The following PDE4D variants were observed in gnomAD, a reference collection of about 807,000 sequenced individuals.
PDE4D encodes phosphodiesterase 4D, also known as 3',5'-cyclic-AMP phosphodiesterase 4D.
Under a neutral mutation model 87.4 loss-of-function variants are expected in PDE4D, and 24 were observed. The observed-to-expected ratio is 0.27, with a 90% CI of 0.20 to 0.39. PDE4D has a LOEUF of 0.39. PDE4D is among the 10% of genes least tolerant of loss of function. PDE4D has a pLI of 1.00. For missense variants in PDE4D, 714 were observed against 1,041.0 expected (o/e 0.69, Z 4.32); for synonymous variants, 384 against 383.2 (o/e 1.00, Z -0.02).
intron 1 of PDE4D, among the ~76,000 whole-genome samples, chr5:60,303,301 G>GCTT (rs767515319): frequency 4.1e-5 from 6 of 147,716 alleles, no homozygotes; most frequent in Non-Finnish European, 8.9e-5. Context: ...GGTTATATCT[G>GCTT]GATTTCTTTT....
chr5:59,062,671 G>A (rs893537934), intron 5 of PDE4D, among the ~76,000 whole-genome samples: 6 of 150,938 alleles, frequency 4.0e-5, no homozygotes, highest in Non-Finnish European at 8.8e-5. Flanking sequence ...CTGCAAATGA[G>A]GTGGAATGTT....
chr5:59,169,779 T>C (rs1782476138), intron 5 of PDE4D, among the ~76,000 whole-genome samples: 1 of 152,186 alleles, frequency 6.6e-6, no homozygotes, highest in South Asian at 2.1e-4. Flanking sequence ...TCCATTATTC[T>C]CCCAAATTTG....
chr5:59,010,835 C>G (rs1485191401), intron 6 of PDE4D, among the ~76,000 whole-genome samples: 1 of 152,174 alleles, frequency 6.6e-6, no homozygotes, highest in Non-Finnish European at 1.5e-5. Flanking sequence ...AATGGACACA[C>G]TGCTTCCTCA....
At chr5:59,203,961 T>A (rs1255148679) in intron 2 of PDE4D, among the ~76,000 whole-genome samples, 3 of 152,162 alleles carry the variant, frequency 2.0e-5, no homozygotes, top group Non-Finnish European at 4.4e-5. Flanking sequence ...TGACTATAAT[T>A]AATAATCATG....
chr5:59,733,734 T>A (rs999587274), intron 1 of PDE4D, among the ~76,000 whole-genome samples: 1 of 150,120 alleles, frequency 6.7e-6, no homozygotes, highest in Non-Finnish European at 1.5e-5. Flanking sequence ...TATTACCATC[T>A]TTTCCTTCCT....
At chr5:60,176,546 G>A (rs1449391410) in intron 2 of PDE4D, among the ~76,000 whole-genome samples, 1 of 152,116 alleles carries the variant, frequency 6.6e-6, no homozygotes, top group East Asian at 1.9e-4. Context: ...GTTTGGTGAG[G>A]ATGATGATTG....
At chr5:59,837,049 A>T (rs1047457401) in intron 1 of PDE4D, among the ~76,000 whole-genome samples, 1 of 151,710 alleles carries the variant, frequency 6.6e-6, no homozygotes, top group Non-Finnish European at 1.5e-5. Context: ...CTTCCCCCTC[A>T]CCTTTCCCCA....
intron 1 of PDE4D, among the ~76,000 whole-genome samples, chr5:59,392,455 C>T (rs1253513312): frequency 3.3e-5 from 5 of 149,324 alleles, no homozygotes; most frequent in East Asian, 2.0e-4. Context: ...GTTGTGATTA[C>T]GTGAGTTAAT....
chr5:59,005,762 T>C (rs1429609194), intron 6 of PDE4D, among the ~76,000 whole-genome samples: 1 of 152,216 alleles, frequency 6.6e-6, no homozygotes, highest in South Asian at 2.1e-4. Context: ...AGATGGACCT[T>C]CTTACATATT....
rs559400393 is a variant in PDE4D at position 59,017,156 on chromosome 5, G to A, written c.921+21703C>T. 6.6e-5 allele frequency among the ~76,000 whole-genome samples: 10 copies of A among 152,294 alleles called. No homozygotes were observed. The East Asian group carries it at 7.7e-4, about 12-fold the overall frequency. On this transcript the variant is annotated intron_variant, in intron 6 of 14. Coordinates refer to ENST00000340635, the MANE Select transcript of PDE4D (RefSeq NM_001104631.2). ...CCGAGGCAAGTCAAGGCAACATCAC[G>A]TGGGTCCTGAGGGTATGAGCCTTCC...
Position 59,166,907 on chromosome 5 carries a change from A to G in PDE4D, c.808+13688T>C, listed in dbSNP as rs1027743319. ...CTTTCAGCAATGGCATCAGGGCTCA[A>G]ATAATTGCACAGTTTCCAGAGATGG... On this transcript the variant is annotated intron_variant, in intron 5 of 14. Transcript: ENST00000340635. 6.6e-5 allele frequency among the ~76,000 whole-genome samples: 10 copies of G among 152,214 alleles called. No individual in the cohort carries two copies. In the South Asian group the frequency reaches 8.3e-4, roughly 13 times the overall value.
At chr5:59,640,305 G>A (rs950673947) in intron 1 of PDE4D, among the ~76,000 whole-genome samples, 7 of 152,106 alleles carry the variant, frequency 4.6e-5, no homozygotes, top group African/African-American at 1.7e-4. Context: ...ATTGAAACTT[G>A]AGCCCTGGCT....
chr5:59,505,893 A>G (rs1194585109), intron 1 of PDE4D, among the ~76,000 whole-genome samples: 5 of 152,198 alleles, frequency 3.3e-5, no homozygotes, highest in Non-Finnish European at 7.3e-5. Flanking sequence ...TAGCTCATAG[A>G]TGAAATATAT....
chr5:60,106,787 A>G (rs1230721000), intron 2 of PDE4D, among the ~76,000 whole-genome samples: 1 of 152,174 alleles, frequency 6.6e-6, no homozygotes, highest in South Asian at 2.1e-4. Flanking sequence ...GAAGGCAGAA[A>G]TAAAGATATT....
intron 1 of PDE4D, among the ~76,000 whole-genome samples, chr5:59,479,354 T>C (rs1803856659): frequency 6.6e-6 from 1 of 152,090 alleles, no homozygotes; most frequent in Non-Finnish European, 1.5e-5. Flanking sequence ...CTACCCTTAC[T>C]AGCTATGGTT....
intron 3 of PDE4D, among the ~76,000 whole-genome samples, chr5:59,922,038 CG>C (rs1282919823): frequency 2.0e-5 from 3 of 151,998 alleles, no homozygotes; most frequent in Non-Finnish European, 4.4e-5. Flanking sequence ...TCTTTGTGCT[CG>C]GGGGAGGGAG....
chr5:59,767,262 TTA>T (rs1387999175), intron 1 of PDE4D, among the ~76,000 whole-genome samples: 1 of 152,156 alleles, frequency 6.6e-6, no homozygotes, highest in East Asian at 1.9e-4. Flanking sequence ...TTCTTTTTTG[TTA>T]TGTTTTCTTT....
intron 1 of PDE4D, among the ~76,000 whole-genome samples, chr5:59,709,852 G>A (rs926072204): frequency 2.0e-5 from 3 of 152,168 alleles, no homozygotes; most frequent in Non-Finnish European, 2.9e-5. Context: ...TTAGCATAAT[G>A]AGAATACAAA....
intron 1 of PDE4D, among the ~76,000 whole-genome samples, chr5:60,280,527 A>T (rs1467775475): frequency 6.6e-6 from 1 of 152,210 alleles, no homozygotes; most frequent in Non-Finnish European, 1.5e-5. Context: ...ACAGTAGCTT[A>T]AATAAAACAA....
Sources: allele counts gnomAD v4.1 joint callset (sites outside exome capture counted in the v4.1 genomes callset), GRCh38; gene constraint gnomAD v4.1.1; transcripts MANE v1.5; gene names NCBI Gene and HGNC (gene_info 2026-07-23, HGNC 2026-07-21).